CUL4B: variants seen among roughly 807,000 people sequenced by gnomAD.
CUL4B encodes cullin-4B.
Under a neutral mutation model 69.2 loss-of-function variants are expected in CUL4B, and 1 was observed. The observed-to-expected ratio is 0.01, with a 90% CI of 0.01 to 0.07. The LOEUF is 0.07. CUL4B is among the 10% of genes least tolerant of loss of function. The pLI is 1.00. For missense variants in CUL4B, 328 were observed against 638.8 expected, an observed-to-expected ratio of 0.51 and a Z score of 5.24; for synonymous variants, 237 against 223.2, an observed-to-expected ratio of 1.06 and a Z score of -0.55.
At chrX:120,563,844 AAAGAT>A (rs1925415104), upstream of CUL4B, among the ~76,000 whole-genome samples, 1 of 112,511 alleles carries the variant, frequency 8.9e-6, no homozygotes. Flanking sequence ...GAATGGACAT[AAAGAT>A]AAGAGAAAGC....
upstream of CUL4B, among the ~76,000 whole-genome samples, chrX:120,566,363 A>ATG (rs1331250970): frequency 1.1e-3 from 65 of 57,137 alleles, 4 homozygotes; most frequent in East Asian, 0.013. Flanking sequence ...ATATATATAT[A>ATG]TATATATATA....
At chrX:120,563,996 T>C, upstream of CUL4B, among the ~76,000 whole-genome samples, 1 of 112,507 alleles carries the variant, frequency 8.9e-6, no homozygotes, top group East Asian at 2.8e-4. Context: ...CTGAGTTACA[T>C]GTTGGTTTTA....
Position 120,543,921 on chromosome X carries a change from T to TA in CUL4B, c.1174-113dup, listed in dbSNP as rs906305801. The TA allele has an allele frequency of 2.4e-5, 15 of 612,896 alleles. No homozygotes were observed. The African/African-American group carries it at 3.2e-4, about 13-fold the overall frequency. The allele number at this position is 612,896 out of a possible 1,213,427, so 50.5% of individuals were successfully genotyped here. Reference sequence around the variant, plus strand: ...TGTCAAATGTGACAGGGTAGAATCATATGTAAAAATTTATAGGTAGAGTTT... The same window carrying TA: ...TGTCAAATGTGACAGGGTAGAATCATAATGTAAAAATTTATAGGTAGAGTTT... On this transcript the variant is annotated intron_variant, in intron 7 of 19. Transcript: ENST00000371322.
chrX:120,534,400 G>A, intron 17 of CUL4B, 81 bp downstream of exon 17: 3 of 692,387 alleles, frequency 4.3e-6, no homozygotes, highest in Non-Finnish European at 7.0e-6. Context: ...CTGAGGCAAG[G>A]AATTATTCCT....
chrX:120,573,272 G>A (rs1251259083), intron 2 of CUL4B, among the ~76,000 whole-genome samples: 1 of 110,848 alleles, frequency 9.0e-6, no homozygotes, highest in African/African-American at 3.3e-5. Context: ...ATCTGTCCAT[G>A]ACAGTATATA....
chrX:120,563,204 A>G (rs1314729294), upstream of CUL4B, among the ~76,000 whole-genome samples: 1 of 111,796 alleles, frequency 8.9e-6, no homozygotes, highest in African/African-American at 3.3e-5. Flanking sequence ...AAGCACTCCT[A>G]TCTGTTTTGA....
intron 19 of CUL4B, among the ~76,000 whole-genome samples, chrX:120,527,871 A>AT (rs1365611970): frequency 8.9e-6 from 1 of 112,042 alleles, no homozygotes; most frequent in Admixed American, 9.5e-5. Flanking sequence ...CATCCTTGTC[A>AT]TATTGTTACG....
chrX:120,529,348 A>C (rs1449744177), intron 19 of CUL4B, among the ~76,000 whole-genome samples: 17 of 111,930 alleles, frequency 1.5e-4, no homozygotes, highest in Admixed American at 5.7e-4. Flanking sequence ...CCTCACAATA[A>C]TCCTACAAGG....
intron 2 of CUL4B, among the ~76,000 whole-genome samples, chrX:120,555,351 A>T (rs1003796504): frequency 8.9e-6 from 1 of 112,392 alleles, no homozygotes; most frequent in Non-Finnish European, 1.9e-5. Flanking sequence ...TATGCTGTAT[A>T]CCAGCATATC....
At chrX:120,543,923 T>C (rs1924162767) in intron 7 of CUL4B, 114 bp from the exon 8 acceptor site, 2 of 609,578 alleles carry the variant, frequency 3.3e-6, no homozygotes, top group East Asian at 3.4e-5. Flanking sequence ...TAGAATCATA[T>C]GTAAAAATTT....
chrX:120,550,364 C>A (rs1236336522), intron 2 of CUL4B, among the ~76,000 whole-genome samples: 1 of 112,066 alleles, frequency 8.9e-6, no homozygotes, highest in Non-Finnish European at 1.9e-5. Context: ...ATGTGTCCTG[C>A]ACATAGAAAG....
rs1406121249 is a variant in CUL4B, at chrX:120,550,600, G to A, written c.673-3361C>T. Among the ~76,000 whole-genome samples the A allele has an allele frequency of 3.6e-5, 4 of 111,871 alleles. No homozygotes were observed. The East Asian group carries it at 1.1e-3, about 31-fold the overall frequency. On this transcript the variant is annotated intron_variant, in intron 2 of 19. Coordinates refer to ENST00000371322, the MANE Select transcript of CUL4B (RefSeq NM_001079872.2). The stretch of plus-strand genomic sequence containing the variant: ...AGTGAGAAATCGAGAATTAAGCTGG[G>A]CTTTACAGCACAGAGTCTCACCTGT...
upstream of CUL4B, among the ~76,000 whole-genome samples, chrX:120,564,728 C>T (rs1000593369): frequency 6.2e-5 from 7 of 112,713 alleles, no homozygotes; most frequent in East Asian, 8.3e-4. Flanking sequence ...TGCCAATCAA[C>T]GTTAAACACA....
At chrX:120,546,829 A>AT (rs1314868663) in intron 3 of CUL4B, among the ~76,000 whole-genome samples, 1 of 112,489 alleles carries the variant, frequency 8.9e-6, no homozygotes, top group Non-Finnish European at 1.9e-5. Context: ...AGTCTTAGAC[A>AT]TAACTGAACA....
intron 2 of CUL4B, among the ~76,000 whole-genome samples, chrX:120,551,890 T>C (rs925737889): frequency 1.8e-5 from 2 of 111,403 alleles, no homozygotes; most frequent in African/African-American, 6.5e-5. Flanking sequence ...CAGTCATGGA[T>C]TGAACAAGGA....
At chrX:120,532,224 T>C (rs1923360903) in intron 18 of CUL4B, 198 bp downstream of exon 18, 2 of 391,336 alleles carry the variant, frequency 5.1e-6, no homozygotes, top group Non-Finnish European at 8.9e-6. Context: ...TATGAAACTA[T>C]GTTGAGTATC....
chrX:120,556,687 G>GA (rs921204433), intron 2 of CUL4B, among the ~76,000 whole-genome samples: 5 of 107,940 alleles, frequency 4.6e-5, no homozygotes, highest in East Asian at 5.8e-4. Context: ...AAAAAAACAG[G>GA]AAAAAAAACT....
At chrX:120,545,888 T>C (rs1924290974) in intron 4 of CUL4B, among the ~76,000 whole-genome samples, 1 of 108,372 alleles carries the variant, frequency 9.2e-6, no homozygotes, top group African/African-American at 3.4e-5. Context: ...GGAGGGGTGA[T>C]GGATTTTAAG....
At chrX:120,546,741 T>A in intron 3 of CUL4B, 125 bp from the exon 4 acceptor site, 8 of 484,632 alleles carry the variant, frequency 1.7e-5, no homozygotes, top group Non-Finnish European at 1.8e-5. Context: ...GGCACTTGAT[T>A]ATGCACCAAA....
Sources: allele counts gnomAD v4.1 joint callset (sites outside exome capture counted in the v4.1 genomes callset), GRCh38; gene constraint gnomAD v4.1.1; transcripts MANE v1.5; gene names NCBI Gene and HGNC (gene_info 2026-07-23, HGNC 2026-07-21).